Variants in SLC16A2 observed in about 807,000 individuals in gnomAD.
SLC16A2 encodes solute carrier family 16 member 2.
In SLC16A2, 3 loss-of-function variants were observed where a neutral mutation model predicts 27.2. The observed-to-expected ratio is 0.11, with a 90% CI of 0.05 to 0.28. SLC16A2 has a LOEUF of 0.28. SLC16A2 is among the 10% of genes least tolerant of loss of function. The pLI, the probability that SLC16A2 is intolerant of heterozygous loss-of-function variation, is 1.00. For missense variants in SLC16A2, 295 were observed against 458.5 expected (o/e 0.64, Z 3.26); for synonymous variants, 202 against 187.8 (o/e 1.08, Z -0.62).
chrX:74,496,251 A>AACACACAC (rs768625772), intron 1 of SLC16A2, among the ~76,000 whole-genome samples: 1 of 64,155 alleles, frequency 1.6e-5, no homozygotes, highest in African/African-American at 3.8e-5. Context: ...GAAGACAGAA[A>AACACACAC]ACACACACAC....
chrX:74,490,008 C>CACAT (rs1555986162), intron 1 of SLC16A2, among the ~76,000 whole-genome samples: 2 of 107,787 alleles, frequency 1.9e-5, no homozygotes, highest in Non-Finnish European at 3.8e-5. Context: ...CACACACACA[C>CACAT]GCAAAGATCC....
Position 74,515,182 on chromosome X carries a change from C to G in SLC16A2, c.431-5808C>G, listed in dbSNP as rs1389499850. Among the ~76,000 whole-genome samples, 3 of 110,693 alleles carry G rather than the reference C, an allele frequency of 2.7e-5. No homozygotes were observed. The East Asian group carries it at 8.5e-4, about 31-fold the overall frequency. ...GGAACAAATGAAAAAAATACTAAGT[C>G]TCAGTAGATAATTAGAAGATATAAA... is the stretch of plus-strand genomic sequence containing the variant. On this transcript the variant is annotated intron_variant, in intron 1 of 5. Coordinates refer to ENST00000587091, the MANE Select transcript of SLC16A2 (RefSeq NM_006517.5).
At chrX:74,452,832 AG>A (rs1928967827) in intron 1 of SLC16A2, among the ~76,000 whole-genome samples, 1 of 111,118 alleles carries the variant, frequency 9.0e-6, no homozygotes, top group African/African-American at 3.3e-5. Flanking sequence ...CAGCCCTTCA[AG>A]GTATAGCCTA....
intron 1 of SLC16A2, among the ~76,000 whole-genome samples, chrX:74,442,910 T>C (rs996456592): frequency 2.7e-5 from 3 of 111,895 alleles, no homozygotes; most frequent in East Asian, 2.8e-4. Context: ...TGAGCCGAGA[T>C]TGTGCCACTG....
At chrX:74,434,342 G>A (rs1053951405) in intron 1 of SLC16A2, among the ~76,000 whole-genome samples, 1 of 112,246 alleles carries the variant, frequency 8.9e-6, no homozygotes, top group East Asian at 2.8e-4. Context: ...TTGAAATAGG[G>A]TTTAGCTAAG....
At chrX:74,484,855 C>T in intron 1 of SLC16A2, among the ~76,000 whole-genome samples, 1 of 111,933 alleles carries the variant, frequency 8.9e-6, no homozygotes, top group Non-Finnish European at 1.9e-5. Flanking sequence ...AGTCAAAAGA[C>T]TTAACAGCTG....
At chrX:74,497,309 C>T (rs1929955048) in intron 1 of SLC16A2, among the ~76,000 whole-genome samples, 1 of 110,914 alleles carries the variant, frequency 9.0e-6, no homozygotes, top group Non-Finnish European at 1.9e-5. Flanking sequence ...CTGGGGGAGT[C>T]AGTTCTGGTT....
chrX:74,458,792 G>A (rs1345154769), intron 1 of SLC16A2, among the ~76,000 whole-genome samples: 1 of 111,340 alleles, frequency 9.0e-6, no homozygotes, highest in African/African-American at 3.3e-5. Flanking sequence ...ACAACCACCA[G>A]CCTTCAGTAA....
chrX:74,437,844 C>T (rs915046831), intron 1 of SLC16A2, among the ~76,000 whole-genome samples: 1 of 111,381 alleles, frequency 9.0e-6, no homozygotes, highest in African/African-American at 3.3e-5. Context: ...AATCACAGGA[C>T]CCCCACCCTC....
intron 1 of SLC16A2, among the ~76,000 whole-genome samples, chrX:74,427,806 C>CGT (rs1209326178): frequency 8.4e-5 from 6 of 71,496 alleles, no homozygotes; most frequent in South Asian, 2.0e-3. Flanking sequence ...CGCGTGCACG[C>CGT]GCGCGCACAC....
At chrX:74,428,751 C>CT (rs1282803771) in intron 1 of SLC16A2, among the ~76,000 whole-genome samples, 2 of 111,940 alleles carry the variant, frequency 1.8e-5, no homozygotes, top group African/African-American at 3.2e-5. Flanking sequence ...CTATGACACC[C>CT]TTTTTGTCAC....
chrX:74,519,715 C>CA (rs779967639), intron 1 of SLC16A2, among the ~76,000 whole-genome samples: 2,194 of 24,820 alleles, frequency 0.088, 330 homozygotes, highest in African/African-American at 0.15. Context: ...GACTGTGTCT[C>CA]AAAAAAAAAA....
At chrX:74,471,852 A>C (rs1174174922) in intron 1 of SLC16A2, among the ~76,000 whole-genome samples, 1 of 111,680 alleles carries the variant, frequency 9.0e-6, no homozygotes, top group Non-Finnish European at 1.9e-5. Context: ...TCTGTCCCTA[A>C]GGATTTGATG....
At chrX:74,434,647 G>T (rs2147838918) in intron 1 of SLC16A2, among the ~76,000 whole-genome samples, 1 of 110,778 alleles carries the variant, frequency 9.0e-6, no homozygotes, top group African/African-American at 3.3e-5. Flanking sequence ...CCACCCAAGT[G>T]CATTTCTAAG....
chrX:74,525,948 G>C, intron 4 of SLC16A2, 55 bp downstream of exon 4: 1 of 1,156,972 alleles, frequency 8.6e-7, no homozygotes, highest in Non-Finnish European at 1.2e-6. Context: ...CAAATGCAAG[G>C]TTATCCACAG....
At chrX:74,427,684 G>C (rs1485527919) in intron 1 of SLC16A2, among the ~76,000 whole-genome samples, 2 of 111,505 alleles carry the variant, frequency 1.8e-5, no homozygotes, top group South Asian at 7.6e-4. Context: ...TGTGAATGAC[G>C]GAGTGGGATT....
At chrX:74,478,318 T>C (rs763101584) in intron 1 of SLC16A2, among the ~76,000 whole-genome samples, 2 of 111,509 alleles carry the variant, frequency 1.8e-5, no homozygotes, top group African/African-American at 3.3e-5. Flanking sequence ...ACCCCTGCCT[T>C]TTTTTTGTTT....
In SLC16A2 at chrX:74,421,862, C is replaced by G; in HGVS notation, c.225C>G (p.His75Gln). The part of the protein sequence containing the change: ...PELEFESERV[H>Q]EPEPTPTVET... ...TGGAGTTCGAGTCCGAGCGGGTGCACGAACCCGAGCCCACGCCTACGGTAG... is the reference window on the plus strand; with the variant it reads ...TGGAGTTCGAGTCCGAGCGGGTGCAGGAACCCGAGCCCACGCCTACGGTAG... The change falls in exon 1 of 6, where the codon CAC becomes CAG. Residue 75 changes from histidine to glutamine, a missense_variant. By Grantham distance (24) the His-to-Gln change is conservative (BLOSUM62 0). Transcript: ENST00000587091. 5 of 1,207,460 alleles carry G rather than the reference C, an allele frequency of 4.1e-6. No homozygotes were observed. The highest frequency in any genetic ancestry group is 5.6e-6 in the Non-Finnish European group (5 of 893,563).
intron 1 of SLC16A2, among the ~76,000 whole-genome samples, chrX:74,508,705 C>T (rs971943269): frequency 6.3e-5 from 7 of 110,381 alleles, no homozygotes; most frequent in Non-Finnish European, 7.6e-5. Flanking sequence ...CTTGTTTGTT[C>T]GTTTTTAACT....
Sources: allele counts gnomAD v4.1 joint callset (sites outside exome capture counted in the v4.1 genomes callset), GRCh38; gene constraint gnomAD v4.1.1; transcripts MANE v1.5; gene names NCBI Gene and HGNC (gene_info 2026-07-23, HGNC 2026-07-21).